The following NIBAN1 variants were observed in gnomAD, a reference collection of about 807,000 sequenced individuals.
NIBAN1 encodes the protein protein Niban 1.
A neutral mutation model predicts 75.1 loss-of-function variants in NIBAN1; 81 were observed. The ratio of observed to expected loss-of-function variants is 1.08; its 90% CI spans 0.90 to 1.30. NIBAN1 has a LOEUF of 1.30. NIBAN1 is among the 50% of genes most tolerant of loss of function. NIBAN1 has a pLI of 0.00. For missense variants in NIBAN1, 1,133 were observed against 1,128.1 expected (o/e 1.00, Z -0.06); for synonymous variants, 436 against 424.8 (o/e 1.03, Z -0.32).
chr1:184,831,389 C>T (rs1223231337), intron 6 of NIBAN1, among the ~76,000 whole-genome samples: 1 of 152,156 alleles, frequency 6.6e-6, no homozygotes, highest in Non-Finnish European at 1.5e-5. Context: ...CACGATGATG[C>T]AAGGTAAACA....
chr1:184,809,697 G>GTA (rs386368975), intron 9 of NIBAN1, among the ~76,000 whole-genome samples: 3 of 148,764 alleles, frequency 2.0e-5, no homozygotes, highest in Admixed American at 6.8e-5. Context: ...ATATATATGT[G>GTA]TATACATAAA....
intron 4 of NIBAN1, among the ~76,000 whole-genome samples, chr1:184,889,686 CT>C (rs1469870363): frequency 2.0e-5 from 3 of 152,128 alleles, no homozygotes; most frequent in Non-Finnish European, 2.9e-5. Flanking sequence ...AGATACCTGG[CT>C]GACAGCACAT....
Position 184,796,034 on chromosome 1 carries a change from C to T in NIBAN1, c.1730G>A (p.Ser577Asn), listed in dbSNP as rs147968928. The T allele has an allele frequency of 5.5e-5, 89 of 1,604,308 alleles. No homozygotes were observed. The African/African-American group carries it at 1.1e-3, about 20-fold the overall frequency. ...NLFEDNMALP[S>N]ESVSSLTDLK... is the part of the protein sequence containing the mutation. ...ATCTGTTAAGCTGGACACACTTTCA[C>T]TGGGCAAGGCCATGTTATCTTCAAA... Residue 577 changes from serine to asparagine, a missense_variant, in exon 14 of 14, where the codon AGT becomes AAT. Transcript: ENST00000367511.
At chr1:184,820,800 TATC>T (rs1253730269) in intron 8 of NIBAN1, among the ~76,000 whole-genome samples, 1 of 152,218 alleles carries the variant, frequency 6.6e-6, no homozygotes, top group Non-Finnish European at 1.5e-5. Context: ...GCCTCAGTAT[TATC>T]ATCTGTAAAA....
At chr1:184,908,406 T>C (rs937009729) in intron 1 of NIBAN1, among the ~76,000 whole-genome samples, 2 of 152,190 alleles carry the variant, frequency 1.3e-5, no homozygotes, top group Admixed American at 1.3e-4. Flanking sequence ...CAAAGGTTAA[T>C]ATAAGTAAGA....
At chr1:184,806,154 G>T in intron 10 of NIBAN1, 98 bp from the exon 11 acceptor site, 2 of 858,710 alleles carry the variant, frequency 2.3e-6, no homozygotes, top group Non-Finnish European at 1.9e-6. Flanking sequence ...GGGGCCATCA[G>T]AGATGAGTCC....
At chr1:184,902,464 A>G (rs1656978579) in intron 1 of NIBAN1, among the ~76,000 whole-genome samples, 1 of 152,150 alleles carries the variant, frequency 6.6e-6, no homozygotes, top group South Asian at 2.1e-4. Context: ...CACATAGAAA[A>G]TGTTCCATAA....
Position 184,823,107 on chromosome 1 carries a change from G to A in NIBAN1, c.985+60C>T. 1.3e-6 allele frequency: 2 copies of A among 1,556,414 alleles called. 1 individual carries two copies. On this transcript the variant is annotated intron_variant, in intron 8 of 13. Transcript: ENST00000367511. ...CTGAAACCATGCATTCCTGCTATGT[G>A]GTGGATCCCTGCATGTACAGCTTAT...
intron 1 of NIBAN1, among the ~76,000 whole-genome samples, chr1:184,909,851 G>C (rs1299834843): frequency 6.6e-6 from 1 of 151,992 alleles, no homozygotes; most frequent in African/African-American, 2.4e-5. Flanking sequence ...TATTTATTTG[G>C]CAATCTAATG....
intron 1 of NIBAN1, among the ~76,000 whole-genome samples, chr1:184,967,506 C>T (rs577657832): frequency 7.1e-4 from 108 of 152,294 alleles, no homozygotes; most frequent in African/African-American, 2.5e-3. Flanking sequence ...AAAACGTTCA[C>T]AGTACATTTA....
At chr1:184,935,031 C>T in intron 1 of NIBAN1, among the ~76,000 whole-genome samples, 1 of 152,228 alleles carries the variant, frequency 6.6e-6, no homozygotes, top group Non-Finnish European at 1.5e-5. Flanking sequence ...GGTCACACCA[C>T]TGCACTCCGG....
At chr1:184,835,621 C>T (rs1235798236) in intron 5 of NIBAN1, among the ~76,000 whole-genome samples, 1 of 152,188 alleles carries the variant, frequency 6.6e-6, no homozygotes, top group African/African-American at 2.4e-5. Context: ...AATGGGAGTT[C>T]ACTCACGATT....
intron 12 of NIBAN1, among the ~76,000 whole-genome samples, chr1:184,801,611 G>T (rs1333309485): frequency 6.6e-6 from 1 of 152,222 alleles, no homozygotes; most frequent in African/African-American, 2.4e-5. Context: ...TGTATAAGCA[G>T]AGTTTGGCAC....
At chr1:184,907,751 T>C (rs546842700) in intron 1 of NIBAN1, among the ~76,000 whole-genome samples, 1 of 152,146 alleles carries the variant, frequency 6.6e-6, no homozygotes, top group East Asian at 1.9e-4. Flanking sequence ...CTGAAGGGAG[T>C]GTATGTGTGT....
Position 184,791,046 on chromosome 1 carries a change from T to C in NIBAN1, c.*3931A>G, listed in dbSNP as rs555050123. ...CTGGTCAGCTCTTCAAGGATGAACA[T>C]TTTATTGGAATATAGGCACCTGGCA... is the stretch of plus-strand genomic sequence containing the variant. On this transcript the variant is annotated 3_prime_UTR_variant, in exon 14 of 14. Coordinates refer to ENST00000367511, the MANE Select transcript of NIBAN1 (RefSeq NM_052966.4). 4.9e-5 allele frequency: 23 copies of C among 471,538 alleles called. No homozygotes were observed. Among genetic ancestry groups the C allele is most frequent in the South Asian group, 3.6e-4 (23 of 64,528 alleles). 29.2% of individuals were successfully genotyped at this position (471,538 alleles called of 1,614,324 possible).
Position 184,808,008 on chromosome 1 carries a change from G to A in NIBAN1, c.1335+66C>T, listed in dbSNP as rs1394393161. 16 of 1,581,606 alleles carry A rather than the reference G, an allele frequency of 1.0e-5. No homozygotes were observed. In the East Asian group the frequency reaches 2.9e-4, roughly 29 times the overall value. On this transcript the variant is annotated intron_variant, in intron 10 of 13. Transcript: ENST00000367511. ...AGCTACACTAGCAGCTGGTCTCACT[G>A]GCCAGCACCCATTTCTCTGCTCTCT... is the stretch of plus-strand genomic sequence containing the variant.
intron 5 of NIBAN1, among the ~76,000 whole-genome samples, chr1:184,879,315 C>T (rs897673549): frequency 6.6e-6 from 1 of 152,094 alleles, no homozygotes; most frequent in Non-Finnish European, 1.5e-5. Context: ...TTAGTTTGTA[C>T]TAAAGTGCCC....
At chr1:184,797,644 T>C (rs1653914162) in intron 13 of NIBAN1, among the ~76,000 whole-genome samples, 2 of 151,942 alleles carry the variant, frequency 1.3e-5, no homozygotes, top group Non-Finnish European at 2.9e-5. Context: ...TGGAATTGCC[T>C]CTTCTCAGCT....
At chr1:184,927,202 G>A (rs183867903) in intron 1 of NIBAN1, among the ~76,000 whole-genome samples, 8 of 152,196 alleles carry the variant, frequency 5.3e-5, no homozygotes, top group African/African-American at 1.9e-4. Flanking sequence ...TTCCTGGATG[G>A]TCTTGATGCT....
Sources: allele counts gnomAD v4.1 joint callset (sites outside exome capture counted in the v4.1 genomes callset), GRCh38; gene constraint gnomAD v4.1.1; transcripts MANE v1.5; gene names NCBI Gene and HGNC (gene_info 2026-07-23, HGNC 2026-07-21).